Variants in ENDOV observed in about 807,000 individuals in gnomAD.
The protein encoded by ENDOV is hEndoV.
In ENDOV, 37 loss-of-function variants were observed where a neutral mutation model predicts 39.4. That is an observed-to-expected ratio of 0.94 (90% confidence interval 0.72 to 1.23). The LOEUF (loss-of-function observed/expected upper bound fraction) is 1.23. Among genes scored for constraint, ENDOV ranks in the 50% most tolerant of loss-of-function variants. ENDOV has a pLI of 0.00. For missense variants in ENDOV, 441 were observed against 375.7 expected (o/e 1.17, Z -1.44); for synonymous variants, 186 against 163.4 (o/e 1.14, Z -1.05).
At chr17:80,430,860 C>T (rs1017122146) in intron 9 of ENDOV, among the ~76,000 whole-genome samples, 3 of 152,208 alleles carry the variant, frequency 2.0e-5, no homozygotes, top group Non-Finnish European at 4.4e-5. Flanking sequence ...GGGAAAGCAG[C>T]CCTAGGCCCC....
intron 8 of ENDOV, among the ~76,000 whole-genome samples, chr17:80,429,558 C>T (rs960676823): frequency 3.3e-5 from 5 of 152,168 alleles, no homozygotes; most frequent in African/African-American, 4.8e-5. Context: ...GAGCAGGTGG[C>T]GGGGACCCCC....
At chr17:80,421,604 C>T (rs1409840127) in intron 2 of ENDOV, among the ~76,000 whole-genome samples, 3 of 151,832 alleles carry the variant, frequency 2.0e-5, no homozygotes, top group African/African-American at 4.8e-5. Context: ...GGGGTCTGCT[C>T]CTATGGACCA....
At chr17:80,415,328 T>C in intron 1 of ENDOV, 78 bp downstream of exon 1, 2 of 1,536,764 alleles carry the variant, frequency 1.3e-6, no homozygotes, top group South Asian at 2.3e-5. Context: ...GCTCATAGTC[T>C]TCAGGCTGTG....
chr17:80,419,505 G>A (rs1484932727), intron 2 of ENDOV: 2 of 686,212 alleles, frequency 2.9e-6, no homozygotes, highest in Non-Finnish European at 5.4e-6. Context: ...AGCCTGTTGT[G>A]TGCTGGACGC....
intron 2 of ENDOV, chr17:80,419,676 C>G (rs1463978274): frequency 5.7e-6 from 4 of 702,802 alleles, no homozygotes; most frequent in Non-Finnish European, 1.0e-5. Context: ...TGCTCCTTGA[C>G]CACACTGTCC....
chr17:80,421,608 T>C (rs1418020971), intron 2 of ENDOV, among the ~76,000 whole-genome samples: 1 of 151,720 alleles, frequency 6.6e-6, no homozygotes, highest in Non-Finnish European at 1.5e-5. Context: ...TCTGCTCCTA[T>C]GGACCAGGTC....
At chr17:80,426,384 C>T (rs1420168158) in intron 7 of ENDOV, among the ~76,000 whole-genome samples, 17 of 152,210 alleles carry the variant, frequency 1.1e-4, no homozygotes, top group Admixed American at 1.1e-3. Context: ...GAGGGTGGCT[C>T]ACGCCTGTAA....
Position 80,425,627 on chromosome 17 carries a change from G to A in ENDOV, c.714+7G>A, listed in dbSNP as rs1468652402. Reference sequence around the variant, plus strand: ...CCCAGAGCCCGTGCGCCAGGTGGGTGTGCTGGGGATGCGGGGAGGCAGCAC... The same window carrying A: ...CCCAGAGCCCGTGCGCCAGGTGGGTATGCTGGGGATGCGGGGAGGCAGCAC... On this transcript the variant is annotated splice_region_variant and intron_variant, in intron 7 of 9. Transcript: ENST00000518137. 7 of 1,577,176 alleles carry A rather than the reference G, an allele frequency of 4.4e-6. No homozygotes were observed. The East Asian group carries it at 6.9e-5, about 16-fold the overall frequency.
rs1042310831 is a variant in ENDOV at position 80,419,128 on chromosome 17, G to A, written c.229-2700G>A. ...GCGGAGCTTGCAGTGAGCCGAGATC[G>A]CGTCAGTGCACTCCAGCCTGAGCAA... is the stretch of plus-strand genomic sequence containing the variant. On this transcript the variant is annotated intron_variant, in intron 2 of 9. Coordinates refer to ENST00000518137, the MANE Select transcript of ENDOV (RefSeq NM_173627.5). Among the ~76,000 whole-genome samples the A allele has an allele frequency of 4.7e-5, 7 of 148,138 alleles. No individual in the cohort carries two copies. The East Asian group carries it at 5.9e-4, about 13-fold the overall frequency.
chr17:80,420,922 C>T (rs1246753551), intron 2 of ENDOV, among the ~76,000 whole-genome samples: 2 of 152,174 alleles, frequency 1.3e-5, no homozygotes, highest in Non-Finnish European at 2.9e-5. Flanking sequence ...GGTGATCGTC[C>T]GCCTCGGCCT....
chr17:80,435,172 T>C (rs8064397), intron 9 of ENDOV, among the ~76,000 whole-genome samples: 112,621 of 152,070 alleles, frequency 0.74, 41,785 homozygotes, highest in South Asian at 0.83. Context: ...CAAATATTTT[T>C]TCCTGTGGGT....
Position 80,436,442 on chromosome 17 carries a change from G to A in ENDOV, c.*299G>A, listed in dbSNP as rs1052766127. 19 of 1,124,194 alleles carry A rather than the reference G, an allele frequency of 1.7e-5. No homozygotes were observed. Among genetic ancestry groups the A allele is most frequent in the Middle Eastern group, 3.5e-4 (1 of 2,836 alleles). 69.6% of individuals were successfully genotyped at this position (1,124,194 alleles called of 1,614,324 possible). On this transcript the variant is annotated 3_prime_UTR_variant, in exon 10 of 10. Coordinates refer to ENST00000518137, the MANE Select transcript of ENDOV (RefSeq NM_173627.5). ...GATGCTCTTCATCCAGCTGAAGACG[G>A]TCCCTTCTAGTCCTAATTTGTTAAG...
At chr17:80,425,434 C>T (rs117705678) in intron 6 of ENDOV, 58 bp from the exon 7 acceptor site, 31,329 of 1,545,038 alleles carry the variant, frequency 0.02, 381 homozygotes, top group Non-Finnish European at 0.022. Flanking sequence ...CTGAGGCTGT[C>T]CTGACCCTGG....
chr17:80,426,810 G>A (rs748692763), intron 7 of ENDOV, among the ~76,000 whole-genome samples: 3 of 152,216 alleles, frequency 2.0e-5, no homozygotes, highest in Admixed American at 6.5e-5. Context: ...GCAGCGGGGC[G>A]CCCGCAGATT....
rs139392818 is a variant in ENDOV, at chr17:80,422,567, G to A, written c.403+322G>A. On this transcript the variant is annotated intron_variant, in intron 4 of 9. Transcript: ENST00000518137. ...ATCACCAAAAGATGTCCCAGGGCCC[G>A]GGCTCAGAGTGGCCTTCCCTGCCAG... 2.1e-3 allele frequency among the ~76,000 whole-genome samples: 315 copies of A among 152,364 alleles called. 2 individuals are homozygous for A. Among genetic ancestry groups the A allele is most frequent in the African/African-American group, 7.4e-3 (308 of 41,586 alleles).
chr17:80,421,823 G>A lies in ENDOV; in HGVS notation c.229-5G>A. On this transcript the variant is annotated splice_region_variant and splice_polypyrimidine_tract_variant and intron_variant, in intron 2 of 9. Transcript: ENST00000518137. ...CTTCCCACTGAGCTGCGTGCCTGGT[G>A]TCAGGTGGTGTATGAGGAGAGCCGC... The A allele has an allele frequency of 6.3e-7, 1 of 1,593,346 alleles. No individual in the cohort carries two copies. The highest frequency in any genetic ancestry group is 1.1e-5 in the South Asian group (1 of 87,492).
chr17:80,422,292 G>T lies in ENDOV; in HGVS notation c.403+47G>T, dbSNP rs377148719. The T allele has an allele frequency of 2.8e-4, 444 of 1,602,404 alleles. 2 individuals are homozygous for T. The South Asian group carries it at 3.6e-3, about 13-fold the overall frequency. On this transcript the variant is annotated intron_variant, in intron 4 of 9. Coordinates refer to ENST00000518137, the MANE Select transcript of ENDOV (RefSeq NM_173627.5). The stretch of plus-strand genomic sequence containing the variant: ...CAGGGAGGGCACTGTGGGGAAGAGC[G>T]GGGGGAGAGGGCACCTCTGTCGTCC...
At position 80,425,538 on chromosome 17, in the gene ENDOV, TG is replaced by T; in HGVS notation, c.635del (p.Gly212AlafsTer4). The T allele has an allele frequency of 6.3e-7, 1 of 1,596,300 alleles. No homozygotes were observed. On this transcript the variant is annotated frameshift_variant, in exon 7 of 10. Transcript: ENST00000518137. LOFTEE classifies it high-confidence loss of function. Reference protein sequence around the residue: ...DRSTRPLYISVGHRMSLEAAV... With the variant: ...DRSTRPLYISXGHRMSLEAAV... ...AGCACCAGGCCCCTCTACATCTCCG[TG>T]GGCCACAGGATGAGCCTGGAGGCCG...
chr17:80,425,085 G>T lies in ENDOV; in HGVS notation c.570G>T (p.Gly190=). ...GDSFPLLGDS[G]TVLGMALRSH... ...CATTCCCTCTGCTGGGAGACTCTGG[G>T]ACTGTCCTGGGAATGGTGAGTAGCT... The change falls in exon 6 of 10, where the codon GGG becomes GGT. Residue 190 remains glycine, a synonymous_variant. Coordinates refer to ENST00000518137, the MANE Select transcript of ENDOV (RefSeq NM_173627.5). 6.2e-7 allele frequency: 1 copy of T among 1,610,210 alleles called. No homozygotes were observed. Among genetic ancestry groups the T allele is most frequent in the South Asian group, 1.1e-5 (1 of 90,070 alleles).
Sources: gnomAD v4.1 joint callset for allele counts (sites outside exome capture counted in the v4.1 genomes callset) on GRCh38, gnomAD v4.1.1 for gene constraint, MANE v1.5 for transcripts, NCBI Gene and HGNC (gene_info 2026-07-23, HGNC 2026-07-21) for gene names.